The following NALF1 variants were observed in gnomAD, a reference collection of about 807,000 sequenced individuals.
NALF1 encodes family with sequence similarity 155 member A.
In NALF1, 3 loss-of-function variants were observed where a neutral mutation model predicts 48.4. That is an observed-to-expected ratio of 0.06 (90% CI 0.03 to 0.16). The LOEUF (loss-of-function observed/expected upper bound fraction) is 0.16, where lower values mean the gene tolerates loss of function less well. Among genes scored for constraint, NALF1 ranks in the 10% least tolerant of loss-of-function variants. The pLI is 1.00. For missense variants in NALF1, 526 were observed against 571.5 expected (o/e 0.92, Z 0.81); for synonymous variants, 262 against 245.7 (o/e 1.07, Z -0.62).
intron 1 of NALF1, among the ~76,000 whole-genome samples, chr13:107,640,643 T>C (rs1034455630): frequency 2.0e-5 from 3 of 152,184 alleles, no homozygotes; most frequent in African/African-American, 7.2e-5. Flanking sequence ...GGGACAATAT[T>C]TGCATAAATA....
chr13:107,330,995 G>T (rs1451372915), intron 1 of NALF1, among the ~76,000 whole-genome samples: 4 of 152,174 alleles, frequency 2.6e-5, no homozygotes, highest in East Asian at 1.9e-4. Context: ...TTACAGGAAT[G>T]CAAGATGGCC....
chr13:107,179,994 A>AG (rs1879028922), intron 2 of NALF1, among the ~76,000 whole-genome samples: 1 of 145,512 alleles, frequency 6.9e-6, no homozygotes, highest in Admixed American at 7.0e-5. Flanking sequence ...CCATGTACAA[A>AG]GACTCTATTT....
At chr13:107,820,187 A>G (rs892952429) in intron 1 of NALF1, among the ~76,000 whole-genome samples, 2 of 152,138 alleles carry the variant, frequency 1.3e-5, no homozygotes, top group African/African-American at 4.8e-5. Context: ...TGTATACTCT[A>G]CAGTGCCACA....
intron 1 of NALF1, among the ~76,000 whole-genome samples, chr13:107,297,570 T>C (rs372057569): frequency 2.1e-4 from 32 of 152,264 alleles, no homozygotes; most frequent in Admixed American, 9.2e-4. Context: ...GAAAATGTAA[T>C]TAAAACAAAG....
At chr13:107,652,259 G>T (rs190955557) in intron 1 of NALF1, among the ~76,000 whole-genome samples, 1 of 152,050 alleles carries the variant, frequency 6.6e-6, no homozygotes, top group Admixed American at 6.6e-5. Flanking sequence ...TGAGTTGTGT[G>T]CAATTACACT....
chr13:107,623,858 C>T (rs1566419522), intron 1 of NALF1, among the ~76,000 whole-genome samples: 2 of 151,852 alleles, frequency 1.3e-5, no homozygotes, highest in African/African-American at 4.8e-5. Context: ...GAGCTTTGGC[C>T]CAAAAGATAA....
intron 1 of NALF1, among the ~76,000 whole-genome samples, chr13:107,628,961 T>C (rs749957441): frequency 3.3e-5 from 5 of 152,176 alleles, no homozygotes; most frequent in Non-Finnish European, 5.9e-5. Context: ...TTGTATGTTA[T>C]TATAACTAAC....
chr13:107,723,777 T>C (rs1276515797), intron 1 of NALF1, among the ~76,000 whole-genome samples: 1 of 152,232 alleles, frequency 6.6e-6, no homozygotes, highest in African/African-American at 2.4e-5. Context: ...GAAGGTTGGA[T>C]AAATCACGGA....
chr13:107,703,434 C>G lies in NALF1; in HGVS notation c.915+162248G>C, dbSNP rs373653947. Among the ~76,000 whole-genome samples the G allele has an allele frequency of 1.3e-4, 20 of 151,328 alleles. No individual in the cohort carries two copies. In the East Asian group the frequency reaches 3.3e-3, roughly 25 times the overall value. ...TGGAGTGCAATGGCACGACCTCCGC[C>G]TCCCAGGTTCATGCGATTCTCCTGC... On this transcript the variant is annotated intron_variant, in intron 1 of 2. Transcript: ENST00000375915.
chr13:107,363,415 G>T (rs914531379), intron 1 of NALF1, among the ~76,000 whole-genome samples: 6 of 152,122 alleles, frequency 3.9e-5, no homozygotes, highest in African/African-American at 1.4e-4. Flanking sequence ...ACAACATAGT[G>T]AGACCACGTT....
intron 1 of NALF1, among the ~76,000 whole-genome samples, chr13:107,464,586 T>G (rs946793514): frequency 4.6e-5 from 7 of 152,100 alleles, no homozygotes; most frequent in Non-Finnish European, 1.0e-4. Flanking sequence ...AATGGCGCAA[T>G]CTCGACTCAC....
chr13:107,334,509 T>C (rs553243841), intron 1 of NALF1, among the ~76,000 whole-genome samples: 1 of 152,300 alleles, frequency 6.6e-6, no homozygotes, highest in African/African-American at 2.4e-5. Flanking sequence ...TTTCACCCTC[T>C]TAATGAGAGA....
chr13:107,531,310 T>A (rs1298666169), intron 1 of NALF1: 1 of 164,864 alleles, frequency 6.1e-6, no homozygotes, highest in Non-Finnish European at 1.5e-5. Flanking sequence ...TGGTGATGAG[T>A]GAGCTCTTCT....
chr13:107,535,366 ATTTCT>A (rs894014002), intron 1 of NALF1, among the ~76,000 whole-genome samples: 1 of 152,052 alleles, frequency 6.6e-6, no homozygotes, highest in Non-Finnish European at 1.5e-5. Context: ...TCAATACCTA[ATTTCT>A]TGAGAGTTTT....
intron 1 of NALF1, among the ~76,000 whole-genome samples, chr13:107,855,064 C>T (rs901755266): frequency 6.6e-6 from 1 of 152,190 alleles, no homozygotes; most frequent in East Asian, 1.9e-4. Flanking sequence ...TGAGGTGTAG[C>T]AGGGAGTGGT....
chr13:107,481,778 T>C (rs574540108), intron 1 of NALF1, among the ~76,000 whole-genome samples: 115 of 152,254 alleles, frequency 7.6e-4, no homozygotes, highest in African/African-American at 2.7e-3. Context: ...AAGGTGATAT[T>C]TGAAGGGCCC....
chr13:107,866,704 C>A lies in NALF1; in HGVS notation c.-108G>T. ...GTTTAATTTCCTTATCCCCTCCTCC[C>A]GTTTCTTCTCTCTCCTCTCTCTCTT... On this transcript the variant is annotated 5_prime_UTR_variant, in exon 1 of 3. Transcript: ENST00000375915. This position sits in a 1 kb window ranked among gnomAD's most constrained non-coding sequence, Gnocchi z 4.4. The A allele has an allele frequency of 1.2e-6, 1 of 840,132 alleles. No individual in the cohort carries two copies. The highest frequency in any genetic ancestry group is 2.5e-5 in the East Asian group (1 of 39,330). 52.0% of individuals were successfully genotyped at this position (840,132 alleles called of 1,614,324 possible). A position where few individuals can be genotyped will look rare whatever the true frequency, so the allele number is the denominator to read the frequency against.
At chr13:107,300,458 T>C (rs1881815730) in intron 1 of NALF1, among the ~76,000 whole-genome samples, 1 of 152,208 alleles carries the variant, frequency 6.6e-6, no homozygotes, top group African/African-American at 2.4e-5. Flanking sequence ...ATTAAGCTCA[T>C]TTGGACAATT....
intron 1 of NALF1, among the ~76,000 whole-genome samples, chr13:107,756,705 T>C (rs954241125): frequency 2.0e-5 from 3 of 152,080 alleles, no homozygotes; most frequent in Non-Finnish European, 2.9e-5. Context: ...ACGTCATGGG[T>C]CGGAGGCCAT....
Sources: gnomAD v4.1 joint callset for allele counts (sites outside exome capture counted in the v4.1 genomes callset) on GRCh38, gnomAD v4.1.1 for gene constraint, Gnocchi (gnomAD v3.1) non-coding constraint, MANE v1.5 for transcripts, NCBI Gene and HGNC (gene_info 2026-07-23, HGNC 2026-07-21) for gene names.